ZNF850: variants seen among roughly 807,000 people sequenced by gnomAD.
The protein encoded by ZNF850 is putative zinc finger protein ENSP00000330994.
Under a neutral mutation model 11.9 loss-of-function variants are expected in ZNF850, and 2 were observed. The observed-to-expected ratio is 0.17, with a 90% CI of 0.07 to 0.53. The LOEUF is 0.53. Ranked by LOEUF, ZNF850 falls within the 20% of genes least tolerant of loss-of-function variation. The pLI is 0.94. For missense variants in ZNF850, 1,014 were observed against 1,316.4 expected (o/e 0.77, Z 3.55); for synonymous variants, 381 against 443.0 (o/e 0.86, Z 1.76).
At chr19:36,754,921 G>C (rs767334210) in intron 4 of ZNF850, among the ~76,000 whole-genome samples, 1 of 152,090 alleles carries the variant, frequency 6.6e-6, no homozygotes, top group Non-Finnish European at 1.5e-5. Flanking sequence ...AAATATAAAA[G>C]GATACAGAGG....
rs1023348689 is a variant in ZNF850 at position 36,750,362 on chromosome 19, T to G, written c.678A>C (p.Ala226=). The change falls in exon 5 of 5, where the codon GCA becomes GCC. Residue 226 remains alanine, a synonymous_variant. Coordinates refer to ENST00000591344, the MANE Select transcript of ZNF850 (RefSeq NM_001193552.2). ...QRIHTGEKPC[A]CKEYGKAFIS... ...TAAAAGCTTTTCCATATTCTTTACATGCACAGGGCTTTTCCCCAGTATGAA... is the reference window on the plus strand; with the variant it reads ...TAAAAGCTTTTCCATATTCTTTACAGGCACAGGGCTTTTCCCCAGTATGAA... 3.9e-6 allele frequency: 6 copies of G among 1,536,438 alleles called. No individual in the cohort carries two copies. The highest frequency in any genetic ancestry group is 2.0e-5 in the Admixed American group (1 of 50,978).
chr19:36,756,280 C>A (rs2040485931), intron 4 of ZNF850, among the ~76,000 whole-genome samples: 2 of 152,126 alleles, frequency 1.3e-5, no homozygotes, highest in African/African-American at 2.4e-5. Context: ...CACTACATAA[C>A]CTTATTTCCA....
intron 4 of ZNF850, among the ~76,000 whole-genome samples, chr19:36,754,424 C>T (rs904845734): frequency 3.3e-5 from 5 of 152,046 alleles, no homozygotes; most frequent in Non-Finnish European, 5.9e-5. Context: ...CATAATAAAA[C>T]GTTCATTCAC....
At chr19:36,770,520 G>A (rs2040574321) in intron 1 of ZNF850, among the ~76,000 whole-genome samples, 1 of 151,934 alleles carries the variant, frequency 6.6e-6, no homozygotes, top group Non-Finnish European at 1.5e-5. Flanking sequence ...CCAGTATGGT[G>A]AAACCCCGTC....
At position 36,749,446 on chromosome 19, in the gene ZNF850, G is replaced by A. The variant is rs557446498; in HGVS notation, c.1594C>T (p.Pro532Ser). The change falls in exon 5 of 5, where the codon CCC (proline) becomes TCC (serine). Residue 532 changes from proline (P) to serine (S), a missense_variant. By Grantham distance (74) the Pro-to-Ser change is moderately conservative. This residue lies in a region of ZNF850 where 835 missense variants were observed against 1,022.0 expected (regional missense o/e 0.82). Coordinates refer to ENST00000591344, the MANE Select transcript of ZNF850 (RefSeq NM_001193552.2). ...TTTCCACATTCCTTACAATGATAGG[G>A]TTTCTCACCAGTGTGAATTCGCTGA... The part of the protein sequence containing the change: ...QHQRIHTGEK[P>S]YHCKECGKSF... 6.4e-7 allele frequency: 1 copy of A among 1,551,070 alleles called. No homozygotes were observed. The highest frequency in any genetic ancestry group is 1.2e-5 in the South Asian group (1 of 84,936).
At chr19:36,760,794 A>G (rs1243201408) in intron 4 of ZNF850, among the ~76,000 whole-genome samples, 1 of 150,350 alleles carries the variant, frequency 6.7e-6, no homozygotes, top group Non-Finnish European at 1.5e-5. Context: ...GAACCCGGGA[A>G]GTGGAGGTTG....
chr19:36,768,460 T>G (rs2040561396), intron 1 of ZNF850, among the ~76,000 whole-genome samples: 1 of 152,190 alleles, frequency 6.6e-6, no homozygotes, highest in Non-Finnish European at 1.5e-5. Context: ...ATAATGAAAA[T>G]GCAATTGCTC....
intron 1 of ZNF850, among the ~76,000 whole-genome samples, chr19:36,769,281 AAAG>A (rs1568740664): frequency 1.4e-3 from 62 of 44,404 alleles, no homozygotes; most frequent in African/African-American, 3.3e-3. Context: ...AAAAAAAAAG[AAAG>A]AAAGAAAGAA....
At chr19:36,752,997 C>T (rs1003823532) in intron 4 of ZNF850, among the ~76,000 whole-genome samples, 3 of 151,920 alleles carry the variant, frequency 2.0e-5, no homozygotes, top group Non-Finnish European at 4.4e-5. Context: ...GGGCCAGGTG[C>T]GGTGGCACAC....
intron 3 of ZNF850, 35 bp from the exon 4 acceptor site, chr19:36,761,773 T>C (rs2040519939): frequency 7.7e-7 from 1 of 1,300,122 alleles, no homozygotes; most frequent in Non-Finnish European, 1.1e-6. Context: ...TAGCCAGGCA[T>C]GGTGGCTCAC....
chr19:36,771,858 C>T (rs756116651), intron 1 of ZNF850, among the ~76,000 whole-genome samples: 2 of 152,156 alleles, frequency 1.3e-5, no homozygotes, highest in Non-Finnish European at 2.9e-5. Context: ...TGGGCAAAAG[C>T]CCAAGAAACA....
chr19:36,764,713 TCTTTC>T (rs1475398275), intron 1 of ZNF850, among the ~76,000 whole-genome samples: 1 of 151,320 alleles, frequency 6.6e-6, no homozygotes, highest in Non-Finnish European at 1.5e-5. Flanking sequence ...GATTTTCTTT[TCTTTC>T]CTTTCCCTTT....
Position 36,749,716 on chromosome 19 carries a change from T to C in ZNF850, c.1324A>G (p.Ile442Val). The change falls in exon 5 of 5, where the codon ATT becomes GTT. Residue 442 changes from isoleucine (I) to valine (V), a missense_variant. Physicochemically the swap from Ile to Val is conservative, Grantham distance 29 (BLOSUM62 3). This residue lies in a region of ZNF850 where 835 missense variants were observed against 1,022.0 expected (regional missense o/e 0.82). Coordinates refer to ENST00000591344, the MANE Select transcript of ZNF850 (RefSeq NM_001193552.2). ...TCATAGGGTTTCTCACCAGTGTGAA[T>C]TCGCTGATGTTGAATTAGTGTTGAG... ...AGSTLIQHQR[I>V]HTGEKPYDCK... 6.4e-7 allele frequency: 1 copy of C among 1,559,642 alleles called. No individual in the cohort carries two copies. The highest frequency in any genetic ancestry group is 1.2e-5 in the South Asian group (1 of 85,162).
At position 36,744,461 on chromosome 19, in the gene ZNF850, T is replaced by TA. The variant is rs1485197589; in HGVS notation, c.*3305dup. 2.6e-5 allele frequency: 4 copies of TA among 151,992 alleles called. No individual in the cohort carries two copies. Among genetic ancestry groups the TA allele is most frequent in the Non-Finnish European group, 5.9e-5 (4 of 68,008 alleles). The allele number at this position is 151,992 out of a possible 1,614,324, so 9.4% of individuals were successfully genotyped here. A position where few individuals can be genotyped will look rare whatever the true frequency, so the allele number is the denominator to read the frequency against. On this transcript the variant is annotated 3_prime_UTR_variant, in exon 5 of 5. Transcript: ENST00000591344. Reference sequence around the variant, plus strand: ...GGACAACATGGTGAAACCCTGTCTCTACAAAAGATACAAAAATTAGCTAGG... The same window carrying TA: ...GGACAACATGGTGAAACCCTGTCTCTAACAAAAGATACAAAAATTAGCTAGG...
intron 4 of ZNF850, among the ~76,000 whole-genome samples, chr19:36,755,046 A>G (rs1005132720): frequency 1.3e-5 from 2 of 152,150 alleles, no homozygotes; most frequent in African/African-American, 2.4e-5. Context: ...AACACTGACA[A>G]TTCAGCAGTG....
chr19:36,750,857 A>C, intron 4 of ZNF850, 53 bp from the exon 5 acceptor site: 1 of 1,433,262 alleles, frequency 7.0e-7, no homozygotes, highest in Non-Finnish European at 9.1e-7. Context: ...GAGTAGAAAT[A>C]AAAACATCTA....
chr19:36,759,860 A>G (rs904297501), intron 4 of ZNF850, among the ~76,000 whole-genome samples: 12 of 152,190 alleles, frequency 7.9e-5, no homozygotes, highest in African/African-American at 2.9e-4. Context: ...TATCTTTTCT[A>G]CTTCAAAAGA....
chr19:36,750,625 C>G lies in ZNF850; in HGVS notation c.415G>C (p.Glu139Gln). Reference protein sequence around the residue: ...HQDINQERYLEKAIMTYETTP... With the variant: ...HQDINQERYLQKAIMTYETTP... ...GTTTCATAAGTCATTATTGCTTTTT[C>G]CAAATATCGCTCCTGATTTATATCT... The change falls in exon 5 of 5, where the codon GAA becomes CAA. Residue 139 changes from glutamate (E) to glutamine (Q), a missense_variant. Physicochemically the swap from Glu to Gln is conservative, Grantham distance 29 (BLOSUM62 2). Transcript: ENST00000591344. 6.5e-7 allele frequency: 1 copy of G among 1,536,058 alleles called. No homozygotes were observed. The highest frequency in any genetic ancestry group is 8.7e-7 in the Non-Finnish European group (1 of 1,146,902).
In ZNF850 at chr19:36,749,467, G is replaced by T. The variant is rs1030619605; in HGVS notation, c.1573C>A (p.Arg525=). 10 of 1,550,346 alleles carry T rather than the reference G, an allele frequency of 6.5e-6. No homozygotes were observed. The African/African-American group carries it at 1.4e-4, about 21-fold the overall frequency. ...TAGGGTTTCTCACCAGTGTGAATTC[G>T]CTGATGTTGAAGTAGTGCTGAGCCA... ...ASGSALLQHQ[R]IHTGEKPYHC... The change falls in exon 5 of 5, where the codon CGA becomes AGA. Residue 525 remains arginine (R), a synonymous_variant. Transcript: ENST00000591344.
Sources: gnomAD v4.1 joint callset for allele counts (sites outside exome capture counted in the v4.1 genomes callset) on GRCh38, gnomAD v4.1.1 for gene constraint, gnomAD v4.1.1 regional missense constraint, MANE v1.5 for transcripts, NCBI Gene and HGNC (gene_info 2026-07-23, HGNC 2026-07-21) for gene names.